Variants in NOL4 observed in about 807,000 individuals in gnomAD.
NOL4 encodes the protein cancer/testis antigen 125.
NOL4 carries 17 observed loss-of-function variants against 75.9 expected under a neutral mutation model. That is an observed-to-expected ratio of 0.22 (90% CI 0.15 to 0.34). The LOEUF is 0.34. NOL4 is among the 10% of genes least tolerant of loss of function. The pLI, the probability that NOL4 is intolerant of heterozygous loss-of-function variation, is 1.00. For missense variants in NOL4, 614 were observed against 793.5 expected (o/e 0.77, Z 2.72); for synonymous variants, 292 against 289.9 (o/e 1.01, Z -0.07).
rs1259828450 is a variant in NOL4, at chr18:33,890,034, T to A, written c.1543-6610A>T. On this transcript the variant is annotated intron_variant, in intron 9 of 10. Transcript: ENST00000261592. Reference sequence around the variant, plus strand: ...TCAACATAGTTTTGGAAGTTCTGGCTAGGGCAGTCAGGCAAGAGAAAGAAA... The same window carrying A: ...TCAACATAGTTTTGGAAGTTCTGGCAAGGGCAGTCAGGCAAGAGAAAGAAA... Among the ~76,000 whole-genome samples, 3 of 152,172 alleles carry A rather than the reference T, an allele frequency of 2.0e-5. No individual in the cohort carries two copies. In the East Asian group the frequency reaches 5.8e-4, roughly 29 times the overall value.
At chr18:34,137,004 C>T (rs934010357) in intron 1 of NOL4, among the ~76,000 whole-genome samples, 1 of 152,030 alleles carries the variant, frequency 6.6e-6, no homozygotes, top group Non-Finnish European at 1.5e-5. Flanking sequence ...AGAAATAAAG[C>T]CTTCCATTTA....
chr18:34,175,177 G>C (rs2033429934), intron 1 of NOL4, among the ~76,000 whole-genome samples: 1 of 152,096 alleles, frequency 6.6e-6, no homozygotes, highest in Non-Finnish European at 1.5e-5. Context: ...AAAGGAGAAT[G>C]GAACTGGGGC....
At chr18:34,047,254 A>G (rs140831498) in intron 5 of NOL4, among the ~76,000 whole-genome samples, 1 of 152,278 alleles carries the variant, frequency 6.6e-6, no homozygotes, top group East Asian at 1.9e-4. Flanking sequence ...AAAACAGCAC[A>G]CTTCAATTGG....
intron 5 of NOL4, among the ~76,000 whole-genome samples, chr18:34,051,298 C>T (rs1388862855): frequency 1.3e-5 from 2 of 151,870 alleles, no homozygotes; most frequent in Non-Finnish European, 2.9e-5. Flanking sequence ...ATAGACAATA[C>T]TTTAGAATTC....
intron 9 of NOL4, among the ~76,000 whole-genome samples, chr18:33,938,855 C>A (rs894931517): frequency 1.3e-5 from 2 of 152,066 alleles, no homozygotes; most frequent in African/African-American, 2.4e-5. Flanking sequence ...TTTGTCCATG[C>A]CTATGTCCCA....
At chr18:34,103,953 T>C in intron 4 of NOL4, 94 bp downstream of exon 4, 2 of 815,340 alleles carry the variant, frequency 2.5e-6, no homozygotes, top group Non-Finnish European at 4.2e-6. Context: ...TAAATTACTG[T>C]CTTCAAAATG....
At chr18:34,117,658 A>C (rs548915562) in intron 2 of NOL4, among the ~76,000 whole-genome samples, 17 of 152,298 alleles carry the variant, frequency 1.1e-4, no homozygotes, top group Admixed American at 9.8e-4. Context: ...AAAACTGAGG[A>C]CTAAAATGAT....
chr18:34,105,893 A>C (rs1397792258), intron 2 of NOL4, among the ~76,000 whole-genome samples: 1 of 152,046 alleles, frequency 6.6e-6, no homozygotes, highest in Admixed American at 6.6e-5. Context: ...CATTACAGTA[A>C]TTTTATAAAT....
At position 34,091,195 on chromosome 18, in the gene NOL4, C is replaced by CA. The variant is rs56398038; in HGVS notation, c.772+2269dup. Among the ~76,000 whole-genome samples the CA allele has an allele frequency of 4.1e-3, 505 of 122,728 alleles. 2 individuals are homozygous for CA. The highest frequency in any genetic ancestry group is 0.011 in the African/African-American group (343 of 32,250). 80.5% of individuals were successfully genotyped at this position (122,728 alleles called of 152,430 possible). On this transcript the variant is annotated intron_variant, in intron 5 of 10. Transcript: ENST00000261592. ...TGAAACCCCATCTCTACTAAAAATA[C>CA]AAAAAAAAAAAAAAAAAATTAGCTG... is the stretch of plus-strand genomic sequence containing the variant.
intron 8 of NOL4, among the ~76,000 whole-genome samples, chr18:33,954,451 T>C (rs376446018): frequency 2.6e-5 from 4 of 152,024 alleles, no homozygotes; most frequent in African/African-American, 7.2e-5. Context: ...GAGTATAAAA[T>C]GCTCTTTCGA....
intron 10 of NOL4, among the ~76,000 whole-genome samples, chr18:33,861,793 T>C (rs2063148609): frequency 6.6e-6 from 1 of 152,058 alleles, no homozygotes; most frequent in Non-Finnish European, 1.5e-5. Flanking sequence ...TGGAAGAACA[T>C]TCCATGCTCA....
At chr18:34,110,770 T>C (rs996557342) in intron 2 of NOL4, among the ~76,000 whole-genome samples, 8 of 152,048 alleles carry the variant, frequency 5.3e-5, no homozygotes, top group African/African-American at 1.4e-4. Context: ...AATTATCTTA[T>C]AGACAGAAAA....
intron 9 of NOL4, among the ~76,000 whole-genome samples, chr18:33,890,225 A>G (rs2065014755): frequency 6.6e-6 from 1 of 152,086 alleles, no homozygotes; most frequent in African/African-American, 2.4e-5. Context: ...AATCACAAGC[A>G]TTCCTATACA....
intron 5 of NOL4, among the ~76,000 whole-genome samples, chr18:34,033,050 G>A (rs982083825): frequency 6.6e-6 from 1 of 152,052 alleles, no homozygotes; most frequent in Non-Finnish European, 1.5e-5. Context: ...ACATATTCAG[G>A]AAAAAGTCCT....
chr18:34,059,154 T>C (rs866667411), intron 5 of NOL4, among the ~76,000 whole-genome samples: 4 of 136,134 alleles, frequency 2.9e-5, no homozygotes, highest in African/African-American at 1.1e-4. Flanking sequence ...TATATATATA[T>C]ATACACATGC....
intron 10 of NOL4, among the ~76,000 whole-genome samples, chr18:33,871,132 A>G (rs2063679851): frequency 6.6e-6 from 1 of 152,104 alleles, no homozygotes; most frequent in South Asian, 2.1e-4. Context: ...ATGACATTTA[A>G]AAATTAACTT....
At chr18:34,097,682 T>C (rs2078852208) in intron 4 of NOL4, among the ~76,000 whole-genome samples, 1 of 152,220 alleles carries the variant, frequency 6.6e-6, no homozygotes. Context: ...CACATGTGAC[T>C]AATGACTACC....
At chr18:33,880,046 G>A (rs936323514) in intron 10 of NOL4, among the ~76,000 whole-genome samples, 10 of 152,018 alleles carry the variant, frequency 6.6e-5, no homozygotes, top group Non-Finnish European at 1.0e-4. Flanking sequence ...TTACTAAACC[G>A]ATGGGTAGAA....
chr18:34,105,332 A>G (rs1164591902), intron 2 of NOL4, among the ~76,000 whole-genome samples, 172 bp from the exon 3 acceptor site: 2 of 152,028 alleles, frequency 1.3e-5, no homozygotes, highest in Non-Finnish European at 2.9e-5. Flanking sequence ...ATCAAACTTG[A>G]TTAGATGTCT....
Sources: allele counts gnomAD v4.1 joint callset (sites outside exome capture counted in the v4.1 genomes callset), GRCh38; gene constraint gnomAD v4.1.1; transcripts MANE v1.5; gene names NCBI Gene and HGNC (gene_info 2026-07-23, HGNC 2026-07-21).